Variants in QTMAN observed in about 807,000 individuals in gnomAD.
QTMAN encodes tRNA-queuosine alpha-mannosyltransferase.
chr2:144,011,021 G>A, the QTMAN span, among the ~76,000 whole-genome samples: 2 of 152,064 alleles, frequency 1.3e-5, no homozygotes, highest in African/African-American at 4.8e-5. Context: ...AAATAATATA[G>A]ATAACAATCC....
At chr2:144,298,363 C>T in the QTMAN span, among the ~76,000 whole-genome samples, 1 of 152,078 alleles carries the variant, frequency 6.6e-6, no homozygotes, top group East Asian at 1.9e-4. Context: ...AGGGGTAAAA[C>T]GTCACTTTTG....
At chr2:144,108,501 G>T in the QTMAN span, among the ~76,000 whole-genome samples, 2 of 152,010 alleles carry the variant, frequency 1.3e-5, no homozygotes, top group Non-Finnish European at 2.9e-5. Context: ...TAGCCAGAGT[G>T]GTGGCAGGTG....
the QTMAN span, chr2:143,944,499 G>C: frequency 6.6e-6 from 1 of 152,110 alleles, no homozygotes. Flanking sequence ...CTGGAGTGCA[G>C]TGGCACGATC....
At chr2:144,145,398 G>C in the QTMAN span, among the ~76,000 whole-genome samples, 1 of 151,796 alleles carries the variant, frequency 6.6e-6, no homozygotes, top group South Asian at 2.1e-4. Context: ...TTTATAAAAT[G>C]ATTAGTTGTG....
At chr2:144,268,556 T>C in the QTMAN span, among the ~76,000 whole-genome samples, 1 of 152,144 alleles carries the variant, frequency 6.6e-6, no homozygotes, top group Non-Finnish European at 1.5e-5. Flanking sequence ...AGACAAAGGA[T>C]CTGCTAGCAC....
the QTMAN span, among the ~76,000 whole-genome samples, chr2:144,054,697 C>T: frequency 4.6e-5 from 7 of 152,184 alleles, no homozygotes; most frequent in East Asian, 1.3e-3. Flanking sequence ...CTAGGCCTGA[C>T]TCCTGCCCAC....
At chr2:143,986,620 C>A in the QTMAN span, among the ~76,000 whole-genome samples, 1 of 152,132 alleles carries the variant, frequency 6.6e-6, no homozygotes, top group African/African-American at 2.4e-5. Flanking sequence ...GCAGGTTCAT[C>A]CTAAATATTA....
the QTMAN span, among the ~76,000 whole-genome samples, chr2:144,151,670 G>A: frequency 1.3e-5 from 2 of 152,268 alleles, no homozygotes; most frequent in South Asian, 4.1e-4. Context: ...CCTTGACAGA[G>A]TTTTAATTAC....
the QTMAN span, among the ~76,000 whole-genome samples, chr2:144,133,455 TAA>T: frequency 4.8e-5 from 2 of 42,052 alleles, no homozygotes; most frequent in African/African-American, 1.5e-4. Flanking sequence ...ATATAATATA[TAA>T]TATATATTAT....
chr2:144,118,739 G>A, the QTMAN span, among the ~76,000 whole-genome samples: 9 of 152,060 alleles, frequency 5.9e-5, no homozygotes, highest in Non-Finnish European at 8.8e-5. Context: ...AAATTAGCCG[G>A]GCATGGTGGC....
the QTMAN span, among the ~76,000 whole-genome samples, chr2:144,113,415 GA>G: frequency 3.4e-4 from 49 of 143,354 alleles, no homozygotes; most frequent in East Asian, 6.0e-4. Flanking sequence ...AACAACAGTG[GA>G]AAAAAAAAAA....
At chr2:144,115,230 A>G in the QTMAN span, among the ~76,000 whole-genome samples, 1 of 143,606 alleles carries the variant, frequency 7.0e-6, no homozygotes, top group Non-Finnish European at 1.5e-5. Flanking sequence ...GACCCTGTCT[A>G]AAAACAACAA....
chr2:144,249,168 G>C, the QTMAN span, among the ~76,000 whole-genome samples: 1 of 152,104 alleles, frequency 6.6e-6, no homozygotes, highest in Non-Finnish European at 1.5e-5. Flanking sequence ...GTTTCAAAAT[G>C]ATTAATAAAT....
the QTMAN span, among the ~76,000 whole-genome samples, chr2:144,155,141 G>A: frequency 6.6e-6 from 1 of 152,116 alleles, no homozygotes; most frequent in Non-Finnish European, 1.5e-5. Flanking sequence ...TTTTTATTGA[G>A]CTCATTAGTT....
At chr2:144,249,528 G>A in the QTMAN span, among the ~76,000 whole-genome samples, 1 of 152,154 alleles carries the variant, frequency 6.6e-6, no homozygotes, top group South Asian at 2.1e-4. Context: ...TACAGATTGA[G>A]GTTACACTGT....
the QTMAN span, among the ~76,000 whole-genome samples, chr2:143,967,931 G>C: frequency 6.6e-6 from 1 of 152,140 alleles, no homozygotes; most frequent in African/African-American, 2.4e-5. Context: ...TAATATTCAT[G>C]AACAGCTTAG....
At chr2:144,297,642 G>A in the QTMAN span, among the ~76,000 whole-genome samples, 5 of 147,136 alleles carry the variant, frequency 3.4e-5, no homozygotes, top group African/African-American at 5.1e-5. Flanking sequence ...GTGCAGTGGC[G>A]CAATCTTGGC....
the QTMAN span, among the ~76,000 whole-genome samples, chr2:143,948,600 C>T: frequency 1.3e-5 from 2 of 152,080 alleles, no homozygotes; most frequent in African/African-American, 4.8e-5. Flanking sequence ...GAGGGAATAG[C>T]TATAAAATGT....
At chr2:144,177,136 T>A in the QTMAN span, 1 of 702,320 alleles carries the variant, frequency 1.4e-6, no homozygotes, top group Non-Finnish European at 2.6e-6. Context: ...AGGCCTCACC[T>A]GCAACATTGG....
Sources: allele counts gnomAD v4.1 joint callset (sites outside exome capture counted in the v4.1 genomes callset), GRCh38; gene constraint gnomAD v4.1.1; transcripts MANE v1.5; gene names NCBI Gene and HGNC (gene_info 2026-07-23, HGNC 2026-07-21).